UBE2H: variants seen among roughly 807,000 people sequenced by gnomAD.
UBE2H encodes ubiquitin-conjugating enzyme E2 H.
In UBE2H, 3 loss-of-function variants were observed where a neutral mutation model predicts 29.0. The observed-to-expected ratio is 0.10, with a 90% CI of 0.05 to 0.27. The LOEUF (loss-of-function observed/expected upper bound fraction) is 0.27. Ranked by LOEUF, UBE2H falls within the 10% of genes least tolerant of loss-of-function variation. UBE2H has a pLI of 1.00. For missense variants in UBE2H, 68 were observed against 228.2 expected (o/e 0.30, Z 4.52); for synonymous variants, 69 against 82.9 (o/e 0.83, Z 0.91).
intron 5 of UBE2H, among the ~76,000 whole-genome samples, chr7:129,846,593 A>T (rs79377690): frequency 0.065 from 9,960 of 152,082 alleles, 536 homozygotes; most frequent in East Asian, 0.26. Context: ...TGTAATATAC[A>T]CTGCTTTCTG....
chr7:129,838,846 C>T (rs556319239), intron 6 of UBE2H, among the ~76,000 whole-genome samples: 1 of 152,214 alleles, frequency 6.6e-6, no homozygotes, highest in African/African-American at 2.4e-5. Flanking sequence ...ACCATGTTGG[C>T]CAGGCTGGTC....
chr7:129,948,003 C>T (rs2116534617), intron 1 of UBE2H, among the ~76,000 whole-genome samples: 1 of 152,272 alleles, frequency 6.6e-6, no homozygotes, highest in Middle Eastern at 3.4e-3. Context: ...CAAGCCCGCA[C>T]CATCACGCCT....
At chr7:129,837,612 G>T (rs535366205) in intron 6 of UBE2H, among the ~76,000 whole-genome samples, 12 of 152,036 alleles carry the variant, frequency 7.9e-5, no homozygotes, top group Non-Finnish European at 1.6e-4. Flanking sequence ...TGCATTGGGA[G>T]GGGGCGGGGG....
intron 3 of UBE2H, among the ~76,000 whole-genome samples, chr7:129,868,367 T>G (rs893472599): frequency 1.3e-5 from 2 of 151,678 alleles, no homozygotes; most frequent in African/African-American, 4.8e-5. Context: ...GATCATGAGG[T>G]CAGGAGATCG....
chr7:129,890,000 G>T (rs1806441860), intron 1 of UBE2H, among the ~76,000 whole-genome samples: 1 of 152,018 alleles, frequency 6.6e-6, no homozygotes, highest in African/African-American at 2.4e-5. Context: ...GGGCAGGGTG[G>T]TACGAGCCTG....
At chr7:129,920,999 TA>T (rs11297393) in intron 1 of UBE2H, among the ~76,000 whole-genome samples, 141,938 of 149,342 alleles carry the variant, frequency 0.95, 67,710 homozygotes, top group East Asian at 1. Flanking sequence ...TCTCTGCCTC[TA>T]AAAAAAAAAA....
At position 129,874,410 on chromosome 7, in the gene UBE2H, C is replaced by T. The variant is rs926253990; in HGVS notation, c.205+5158G>A. 5.9e-5 allele frequency among the ~76,000 whole-genome samples: 9 copies of T among 151,670 alleles called. No homozygotes were observed. In the East Asian group the frequency reaches 9.7e-4, roughly 16 times the overall value. On this transcript the variant is annotated intron_variant, in intron 3 of 6. Transcript: ENST00000355621. ...CTGCAGGCTACGCCTCCTAGGTTCACGCCATTCTCCTGCCTCAGCCTCCTG... is the reference window on the plus strand; with the variant it reads ...CTGCAGGCTACGCCTCCTAGGTTCATGCCATTCTCCTGCCTCAGCCTCCTG...
chr7:129,854,060 G>GTTT (rs56362841), intron 5 of UBE2H, among the ~76,000 whole-genome samples: 17 of 100,252 alleles, frequency 1.7e-4, no homozygotes, highest in Non-Finnish European at 3.0e-4. Context: ...TTTAGTGTTA[G>GTTT]TTTTTTTTTT....
chr7:129,843,835 T>A (rs1213067821), intron 5 of UBE2H, among the ~76,000 whole-genome samples: 1 of 152,180 alleles, frequency 6.6e-6, no homozygotes, highest in Non-Finnish European at 1.5e-5. Context: ...CTCAAAAGGA[T>A]TAGCAGCTGG....
intron 1 of UBE2H, among the ~76,000 whole-genome samples, chr7:129,922,047 G>A (rs138540283): frequency 0.063 from 9,541 of 151,772 alleles, 368 homozygotes; most frequent in Non-Finnish European, 0.092. Context: ...GCAGTGGCAC[G>A]ATCTCGGCTC....
At chr7:129,886,200 T>G (rs1469184187) in intron 1 of UBE2H, among the ~76,000 whole-genome samples, 1 of 152,242 alleles carries the variant, frequency 6.6e-6, no homozygotes, top group Non-Finnish European at 1.5e-5. Flanking sequence ...TACTGCTTTA[T>G]ACCCACTTAG....
intron 3 of UBE2H, chr7:129,864,908 A>T: frequency 4.3e-6 from 1 of 235,104 alleles, no homozygotes; most frequent in Non-Finnish European, 9.0e-6. Flanking sequence ...TAAAATCAGA[A>T]CTCCTTAAGT....
At position 129,832,760 on chromosome 7, in the gene UBE2H, T is replaced by G. The variant is rs3734927; in HGVS notation, c.*2177A>C. On this transcript the variant is annotated 3_prime_UTR_variant, in exon 7 of 7. Transcript: ENST00000355621. ...TTCTTAACTGGTCATTATTTTTTTT[T>G]AAGGTAATTAGAACACTATTGTTTA... 6.6e-6 allele frequency: 1 copy of G among 152,126 alleles called. No individual in the cohort carries two copies. Among genetic ancestry groups the G allele is most frequent in the African/African-American group, 2.4e-5 (1 of 41,428 alleles). The allele number at this position is 152,126 out of a possible 1,614,324, so 9.4% of individuals were successfully genotyped here. A position where few individuals can be genotyped will look rare whatever the true frequency, so the allele number is the denominator to read the frequency against.
intron 1 of UBE2H, among the ~76,000 whole-genome samples, chr7:129,928,349 T>A (rs1807315651): frequency 6.6e-6 from 1 of 152,146 alleles, no homozygotes; most frequent in South Asian, 2.1e-4. Context: ...ATGCCTGTAA[T>A]CCCAGCACTT....
chr7:129,881,211 G>C (rs761752945), intron 1 of UBE2H, among the ~76,000 whole-genome samples: 20 of 152,172 alleles, frequency 1.3e-4, no homozygotes, highest in Non-Finnish European at 2.9e-4. Context: ...CTGAGTTTTT[G>C]AGCCTAGCCA....
chr7:129,891,898 T>C (rs942376850), intron 1 of UBE2H, among the ~76,000 whole-genome samples: 4 of 151,644 alleles, frequency 2.6e-5, no homozygotes, highest in Non-Finnish European at 5.9e-5. Flanking sequence ...AGTGTGTGTG[T>C]GTGTTAGTTT....
chr7:129,838,095 A>C (rs930747644), intron 6 of UBE2H, among the ~76,000 whole-genome samples: 25 of 152,202 alleles, frequency 1.6e-4, no homozygotes, highest in Non-Finnish European at 3.7e-4. Context: ...GCTGAAACTG[A>C]CTGCCTTTTT....
At chr7:129,909,402 G>A (rs1359565521) in intron 1 of UBE2H, among the ~76,000 whole-genome samples, 1 of 152,134 alleles carries the variant, frequency 6.6e-6, no homozygotes, top group African/African-American at 2.4e-5. Context: ...AAGAACCACA[G>A]CTCCAAGGAG....
chr7:129,858,555 A>G (rs374096588), intron 4 of UBE2H, among the ~76,000 whole-genome samples: 10 of 152,226 alleles, frequency 6.6e-5, no homozygotes, highest in East Asian at 3.8e-4. Flanking sequence ...AATTGAGAAA[A>G]TATTATAAGA....
Sources: allele counts gnomAD v4.1 joint callset (sites outside exome capture counted in the v4.1 genomes callset), GRCh38; gene constraint gnomAD v4.1.1; transcripts MANE v1.5; gene names NCBI Gene and HGNC (gene_info 2026-07-23, HGNC 2026-07-21).